The following LINGO2 variants were observed in gnomAD, a reference collection of about 807,000 sequenced individuals.
LINGO2 encodes leucine-rich repeat and immunoglobulin-like domain-containing nogo receptor-interacting protein 2.
Under a neutral mutation model 30.6 loss-of-function variants are expected in LINGO2, and 14 were observed. That is an observed-to-expected ratio of 0.46 (90% CI 0.30 to 0.72). LINGO2 has a LOEUF of 0.72. LINGO2 is among the 30% of genes least tolerant of loss of function. The pLI, the probability that LINGO2 is intolerant of heterozygous loss-of-function variation, is 0.07. For missense variants in LINGO2, 729 were observed against 751.7 expected, an observed-to-expected ratio of 0.97 and a Z score of 0.35; for synonymous variants, 317 against 288.5, an observed-to-expected ratio of 1.10 and a Z score of -1.00.
intron 2 of LINGO2, among the ~76,000 whole-genome samples, chr9:28,459,094 G>T (rs1824970219): frequency 1.3e-5 from 2 of 151,764 alleles, no homozygotes; most frequent in Non-Finnish European, 2.9e-5. Flanking sequence ...AATTCCAATA[G>T]TACTCTACAA....
intron 4 of LINGO2, among the ~76,000 whole-genome samples, chr9:28,194,561 TAAAAAAA>T (rs555810032): frequency 8.7e-6 from 1 of 114,512 alleles, no homozygotes; most frequent in Non-Finnish European, 1.8e-5. Flanking sequence ...CTCTCTATCC[TAAAAAAA>T]AAAAAAAAAA....
chr9:28,912,913 G>A, the LINGO2 span, among the ~76,000 whole-genome samples: 2 of 152,092 alleles, frequency 1.3e-5, no homozygotes, highest in Non-Finnish European at 2.9e-5. Context: ...AGTGAATGTT[G>A]TGCAGAAGTT....
At chr9:28,013,279 T>C (rs1487165876) in intron 4 of LINGO2, among the ~76,000 whole-genome samples, 2 of 152,200 alleles carry the variant, frequency 1.3e-5, no homozygotes, top group Admixed American at 6.5e-5. Flanking sequence ...TTCTTCACTC[T>C]TATTCACCTT....
chr9:28,913,277 T>A, the LINGO2 span, among the ~76,000 whole-genome samples: 1 of 152,080 alleles, frequency 6.6e-6, no homozygotes, highest in Non-Finnish European at 1.5e-5. Context: ...TATCCACATG[T>A]CTATTTGTAT....
intron 4 of LINGO2, among the ~76,000 whole-genome samples, chr9:28,290,748 T>G (rs1823697452): frequency 6.6e-6 from 1 of 152,208 alleles, no homozygotes; most frequent in African/African-American, 2.4e-5. Context: ...TTCAGTTCTT[T>G]GATACTTTAT....
the LINGO2 span, among the ~76,000 whole-genome samples, chr9:29,084,760 C>T: frequency 1.3e-5 from 2 of 151,924 alleles, no homozygotes; most frequent in Admixed American, 6.6e-5. Flanking sequence ...CTGTAATACT[C>T]ACCAAAATTA....
intron 1 of LINGO2, among the ~76,000 whole-genome samples, chr9:28,613,643 G>A (rs979712705): frequency 2.6e-5 from 4 of 152,086 alleles, no homozygotes; most frequent in African/African-American, 9.7e-5. Flanking sequence ...TTACAGAAAG[G>A]ACTACTGGTG....
intron 5 of LINGO2, among the ~76,000 whole-genome samples, chr9:27,990,470 C>CCCCCG (rs1554650621): frequency 6.8e-6 from 1 of 146,832 alleles, no homozygotes; most frequent in Non-Finnish European, 1.5e-5. Flanking sequence ...ATACCCCCCC[C>CCCCCG]CCTTTTATTT....
At chr9:29,179,775 T>A in the LINGO2 span, among the ~76,000 whole-genome samples, 1 of 152,266 alleles carries the variant, frequency 6.6e-6, no homozygotes, top group East Asian at 1.9e-4. Flanking sequence ...AAATGTATAT[T>A]TTTGCAGTAT....
intron 4 of LINGO2, among the ~76,000 whole-genome samples, chr9:28,156,916 G>A (rs555280274): frequency 1.3e-5 from 2 of 152,312 alleles, no homozygotes; most frequent in African/African-American, 4.8e-5. Flanking sequence ...GTCTTGGGCA[G>A]CTCCACCCCT....
chr9:28,848,428 T>TAC, the LINGO2 span, among the ~76,000 whole-genome samples: 1 of 123,412 alleles, frequency 8.1e-6, no homozygotes, highest in African/African-American at 2.9e-5. Flanking sequence ...TATATATATA[T>TAC]ACTGTATATA....
At chr9:28,967,121 C>T in the LINGO2 span, among the ~76,000 whole-genome samples, 890 of 152,204 alleles carry the variant, frequency 5.8e-3, 8 homozygotes, top group African/African-American at 0.021. Context: ...CTGCCTTACA[C>T]TGAAAATCTT....
intron 3 of LINGO2, among the ~76,000 whole-genome samples, chr9:28,307,418 TG>T (rs1824413937): frequency 6.6e-6 from 1 of 152,138 alleles, no homozygotes; most frequent in African/African-American, 2.4e-5. Context: ...TAGGTATTGA[TG>T]GGACGTATCT....
chr9:28,412,870 C>T (rs555737535), intron 2 of LINGO2, among the ~76,000 whole-genome samples: 1 of 152,008 alleles, frequency 6.6e-6, no homozygotes, highest in East Asian at 1.9e-4. Flanking sequence ...AGATTTTGTT[C>T]CACCTCCTCT....
chr9:29,046,576 C>G, the LINGO2 span, among the ~76,000 whole-genome samples: 1 of 152,106 alleles, frequency 6.6e-6, no homozygotes, highest in East Asian at 1.9e-4. Context: ...TTTCTTACAC[C>G]AAACACAAAA....
At chr9:27,945,785 T>C (rs1195585280), downstream of LINGO2, among the ~76,000 whole-genome samples, 1 of 152,064 alleles carries the variant, frequency 6.6e-6, no homozygotes, top group Admixed American at 6.6e-5. Context: ...TACCAGAGCT[T>C]TGCACGCACA....
At chr9:28,065,309 C>T (rs1342517219) in intron 4 of LINGO2, among the ~76,000 whole-genome samples, 1 of 151,974 alleles carries the variant, frequency 6.6e-6, no homozygotes, top group African/African-American at 2.4e-5. Flanking sequence ...ATCCGTATCC[C>T]CAGTCTCTAG....
chr9:29,160,618 G>A, the LINGO2 span, among the ~76,000 whole-genome samples: 2 of 152,132 alleles, frequency 1.3e-5, no homozygotes, highest in African/African-American at 2.4e-5. Flanking sequence ...AGAATGTTAC[G>A]ATTGCAGAAG....
chr9:28,581,153 G>A (rs1824238045), intron 1 of LINGO2, among the ~76,000 whole-genome samples: 1 of 151,916 alleles, frequency 6.6e-6, no homozygotes, highest in Admixed American at 6.6e-5. Flanking sequence ...ATGAACTTTA[G>A]ATGTTTTGCT....
Sources: allele counts gnomAD v4.1 joint callset (sites outside exome capture counted in the v4.1 genomes callset), GRCh38; gene constraint gnomAD v4.1.1; transcripts MANE v1.5; gene names NCBI Gene and HGNC (gene_info 2026-07-23, HGNC 2026-07-21).